EIF3K: variants seen among roughly 807,000 people sequenced by gnomAD.
EIF3K encodes eukaryotic translation initiation factor 3 subunit K.
In EIF3K, 27 loss-of-function variants were observed where a neutral mutation model predicts 34.2. The observed-to-expected ratio is 0.79, with a 90% confidence interval of 0.58 to 1.09. The LOEUF is 1.09. Among genes scored for constraint, EIF3K ranks in the 50% least tolerant of loss-of-function variants. The pLI, the probability that EIF3K is intolerant of heterozygous loss-of-function variation, is 0.00. For missense variants in EIF3K, 232 were observed against 275.4 expected (o/e 0.84, Z 1.11); for synonymous variants, 105 against 105.7 (o/e 0.99, Z 0.04).
chr19:38,636,239 A>C (rs1354166525), intron 7 of EIF3K, among the ~76,000 whole-genome samples: 3 of 152,128 alleles, frequency 2.0e-5, no homozygotes, highest in Non-Finnish European at 4.4e-5. Context: ...CAACAAGGAA[A>C]AGGAGGAGGA....
chr19:38,632,164 C>T, intron 4 of EIF3K: 1 of 423,560 alleles, frequency 2.4e-6, no homozygotes, highest in South Asian at 2.7e-5. Flanking sequence ...CCCTGTAATC[C>T]CAACGCTTTG....
chr19:38,632,538 T>G (rs1599738948), intron 5 of EIF3K, 42 bp downstream of exon 5: 1 of 1,613,404 alleles, frequency 6.2e-7, no homozygotes, highest in Non-Finnish European at 8.5e-7. Context: ...GGGGAAGGGG[T>G]AGGGAGTGGC....
intron 3 of EIF3K, among the ~76,000 whole-genome samples, chr19:38,625,518 C>CTTTTTTCTTT (rs1975931001): frequency 6.9e-6 from 1 of 145,778 alleles, no homozygotes; most frequent in African/African-American, 2.6e-5. Context: ...TTAATATTTT[C>CTTTTTTCTTT]TTTTTTTTTG....
At chr19:38,626,130 G>A (rs1211603229) in intron 4 of EIF3K, 28 bp downstream of exon 4, 2 of 1,603,214 alleles carry the variant, frequency 1.2e-6, no homozygotes, top group Non-Finnish European at 8.5e-7. Flanking sequence ...CAGGGGCAGG[G>A]GAGATGGCAG....
chr19:38,626,955 C>A (rs1216418681), intron 4 of EIF3K, among the ~76,000 whole-genome samples: 1 of 152,136 alleles, frequency 6.6e-6, no homozygotes, highest in African/African-American at 2.4e-5. Context: ...CACACGCCAT[C>A]ATGCCCAACT....
chr19:38,624,092 A>T lies in EIF3K; in HGVS notation c.174A>T (p.Pro58=). Reference sequence around the variant, plus strand: ...TTTTTCTTAGGTACCAGTTCAACCCAGCCTTCTTTCAGACCACGGTCACCG... The same window carrying T: ...TTTTTCTTAGGTACCAGTTCAACCCTGCCTTCTTTCAGACCACGGTCACCG... ...LAVLKLYQFN[P]AFFQTTVTAQ... The change falls in exon 3 of 8, where the codon CCA becomes CCT. Residue 58 remains proline, a synonymous_variant. Transcript: ENST00000248342. 6.2e-7 allele frequency: 1 copy of T among 1,614,166 alleles called. No individual in the cohort carries two copies. Among genetic ancestry groups the T allele is most frequent in the Non-Finnish European group, 8.5e-7 (1 of 1,180,006 alleles).
At chr19:38,628,853 G>T (rs1726336584) in intron 4 of EIF3K, among the ~76,000 whole-genome samples, 1 of 151,666 alleles carries the variant, frequency 6.6e-6, no homozygotes, top group South Asian at 2.1e-4. Flanking sequence ...TGTCGCATGT[G>T]ACTCCCCTGT....
rs746364792 is a variant in EIF3K, at chr19:38,635,044, C to T, written c.551C>T (p.Ser184Leu). 8 of 1,613,844 alleles carry T rather than the reference C, an allele frequency of 5.0e-6. No individual in the cohort carries two copies. In the Admixed American group the frequency reaches 6.7e-5, roughly 13 times the overall value. Residue 184 changes from serine to leucine, a missense_variant, in exon 7 of 8, where the codon TCG (serine) becomes TTG (leucine). Ser to Leu is a moderately radical substitution (Grantham distance 145). Transcript: ENST00000248342. ...MSKYGWSADESGQIFICSQEE... is the reference protein window; with the variant it reads ...MSKYGWSADELGQIFICSQEE... ...AAATACGGCTGGAGTGCCGACGAGT[C>T]GGGGCAGATCTTCATCTGTAGCCAA...
chr19:38,626,952 C>T (rs1288005820), intron 4 of EIF3K, among the ~76,000 whole-genome samples: 1 of 152,100 alleles, frequency 6.6e-6, no homozygotes, highest in East Asian at 1.9e-4. Flanking sequence ...AGGCACACGC[C>T]ATCATGCCCA....
At position 38,626,565 on chromosome 19, in the gene EIF3K, C is replaced by T. The variant is rs369661581; in HGVS notation, c.354+463C>T. Among the ~76,000 whole-genome samples, 48 of 152,226 alleles carry T rather than the reference C, an allele frequency of 3.2e-4. No individual in the cohort carries two copies. In the East Asian group the frequency reaches 7.3e-3, roughly 23 times the overall value. ...ACCCAGGAGGCTAAGGTGGGAGGAT[C>T]GCTTGAGGCTGCGAGTGAGCCGTGA... On this transcript the variant is annotated intron_variant, in intron 4 of 7. Coordinates refer to ENST00000248342, the MANE Select transcript of EIF3K (RefSeq NM_013234.4).
At chr19:38,631,761 T>C (rs138113118) in intron 4 of EIF3K, among the ~76,000 whole-genome samples, 105 of 152,360 alleles carry the variant, frequency 6.9e-4, no homozygotes, top group African/African-American at 2.4e-3. Flanking sequence ...GGGAGAAACC[T>C]TGGACAATAC....
intron 2 of EIF3K, among the ~76,000 whole-genome samples, chr19:38,621,196 TTA>T: frequency 7.0e-6 from 1 of 141,968 alleles, no homozygotes; most frequent in African/African-American, 2.8e-5. Flanking sequence ...ACCCCTCTTT[TTA>T]AAAAAAAAAA....
chr19:38,623,283 C>T (rs949847527), intron 2 of EIF3K, among the ~76,000 whole-genome samples: 11 of 152,184 alleles, frequency 7.2e-5, no homozygotes, highest in South Asian at 4.1e-4. Context: ...CCGGTCCCTC[C>T]GTTTGGGGTC....
intron 4 of EIF3K, among the ~76,000 whole-genome samples, chr19:38,628,786 T>G (rs1976000570): frequency 6.6e-6 from 1 of 151,530 alleles, no homozygotes; most frequent in Non-Finnish European, 1.5e-5. Flanking sequence ...ATCATGCCAT[T>G]GCACTCCAGT....
intron 6 of EIF3K, 156 bp downstream of exon 6, chr19:38,632,834 C>G: frequency 1.6e-6 from 1 of 624,500 alleles, no homozygotes; most frequent in Non-Finnish European, 2.7e-6. Context: ...ATAAGACAGT[C>G]TCTGCCTTGA....
Position 38,634,057 on chromosome 19 carries a change from G to A in EIF3K, c.500-936G>A, listed in dbSNP as rs569343101. On this transcript the variant is annotated intron_variant, in intron 6 of 7. Transcript: ENST00000248342. Reference sequence around the variant, plus strand: ...CTCCCAAAGTACTGGGATTACAGGCGTGAGCCGCTGCATCCAGCCAAGTAA... The same window carrying A: ...CTCCCAAAGTACTGGGATTACAGGCATGAGCCGCTGCATCCAGCCAAGTAA... 2.7e-5 allele frequency among the ~76,000 whole-genome samples: 4 copies of A among 148,544 alleles called. No individual in the cohort carries two copies. In the South Asian group the frequency reaches 6.4e-4, roughly 24 times the overall value.
chr19:38,621,903 CTTTTTTTT>C (rs914363057), intron 2 of EIF3K, among the ~76,000 whole-genome samples: 174 of 111,480 alleles, frequency 1.6e-3, no homozygotes, highest in Middle Eastern at 6.1e-3. Context: ...TCTTCGTGCC[CTTTTTTTT>C]TTTTTTTTTT....
intron 4 of EIF3K, among the ~76,000 whole-genome samples, chr19:38,629,272 T>G (rs1029738353): frequency 2.7e-5 from 3 of 112,440 alleles, no homozygotes; most frequent in Admixed American, 1.7e-4. Context: ...TGTTTGTTTG[T>G]TTTGTTTTGT....
At chr19:38,634,857 C>T in intron 6 of EIF3K, 136 bp from the exon 7 acceptor site, 1 of 1,291,238 alleles carries the variant, frequency 7.7e-7, no homozygotes, top group Non-Finnish European at 1.1e-6. Context: ...ACCAGGCCAG[C>T]TGCTGCTGTC....
Sources: gnomAD v4.1 joint callset for allele counts (sites outside exome capture counted in the v4.1 genomes callset) on GRCh38, gnomAD v4.1.1 for gene constraint, MANE v1.5 for transcripts, NCBI Gene and HGNC (gene_info 2026-07-23, HGNC 2026-07-21) for gene names.